LMO7: variants seen among roughly 807,000 people sequenced by gnomAD.
LMO7 encodes the protein LIM domain only protein 7.
Under a neutral mutation model 206.5 loss-of-function variants are expected in LMO7, and 120 were observed. The ratio of observed to expected loss-of-function variants is 0.58; its 90% confidence interval spans 0.50 to 0.68. The LOEUF is 0.68. Ranked by LOEUF, LMO7 falls within the 30% of genes least tolerant of loss-of-function variation. The pLI, the probability that LMO7 is intolerant of heterozygous loss-of-function variation, is 0.00. For missense variants in LMO7, 1,959 were observed against 1,957.9 expected (o/e 1.00, Z -0.01); for synonymous variants, 706 against 681.5 (o/e 1.04, Z -0.56).
intron 3 of LMO7, among the ~76,000 whole-genome samples, chr13:75,733,864 A>G (rs546201613): frequency 6.6e-6 from 1 of 152,140 alleles, no homozygotes; most frequent in South Asian, 2.1e-4. Context: ...TTCTTCCACA[A>G]ATTGCATTTG....
At chr13:75,797,124 G>A (rs538653119) in intron 6 of LMO7, among the ~76,000 whole-genome samples, 229 of 152,222 alleles carry the variant, frequency 1.5e-3, no homozygotes, top group African/African-American at 5.3e-3. Context: ...GACTGTTCAC[G>A]CGCATGGAAT....
chr13:75,644,387 A>G (rs553439624), intron 1 of LMO7, among the ~76,000 whole-genome samples: 1 of 152,294 alleles, frequency 6.6e-6, no homozygotes, highest in Non-Finnish European at 1.5e-5. Context: ...CATCTTAGTC[A>G]TTATACTCTG....
chr13:75,771,349 G>T (rs938348845), intron 4 of LMO7, among the ~76,000 whole-genome samples: 1 of 152,020 alleles, frequency 6.6e-6, no homozygotes, highest in African/African-American at 2.4e-5. Context: ...TTTGATAAGT[G>T]TATGTAGATG....
chr13:75,810,845 G>C (rs576100071), intron 11 of LMO7, among the ~76,000 whole-genome samples: 3 of 152,304 alleles, frequency 2.0e-5, no homozygotes, highest in Admixed American at 6.5e-5. Flanking sequence ...TAGAGAAGAA[G>C]ACAGAAACCT....
intron 30 of LMO7, chr13:75,857,227 T>A (rs1313129305): frequency 2.6e-5 from 4 of 152,332 alleles, no homozygotes; most frequent in African/African-American, 4.8e-5. Context: ...TTATAAAAGG[T>A]AGGCTAGCAT....
At chr13:75,720,750 C>T (rs745883632) in intron 2 of LMO7, among the ~76,000 whole-genome samples, 70 of 152,156 alleles carry the variant, frequency 4.6e-4, no homozygotes, top group Non-Finnish European at 9.3e-4. Context: ...TTGGTACTGA[C>T]GTTGCTGTTG....
At chr13:75,723,278 A>T (rs1422345485) in intron 2 of LMO7, among the ~76,000 whole-genome samples, 1 of 152,216 alleles carries the variant, frequency 6.6e-6, no homozygotes, top group Non-Finnish European at 1.5e-5. Flanking sequence ...TTTAGTTACT[A>T]ATAGAAGTTT....
chr13:75,622,962 A>G (rs964115022), intron 1 of LMO7, among the ~76,000 whole-genome samples: 4 of 152,342 alleles, frequency 2.6e-5, no homozygotes, highest in South Asian at 4.1e-4. Context: ...CTAAAATGAA[A>G]GACTAATTTG....
At chr13:75,768,615 C>G (rs2031241) in intron 4 of LMO7, among the ~76,000 whole-genome samples, 59,436 of 151,872 alleles carry the variant, frequency 0.39, 12,184 homozygotes, top group East Asian at 0.6. Context: ...CAAATCTAAC[C>G]CAAAGCTTCA....
chr13:75,717,059 C>G (rs1470527787), intron 2 of LMO7, among the ~76,000 whole-genome samples: 1 of 151,844 alleles, frequency 6.6e-6, no homozygotes, highest in East Asian at 1.9e-4. Context: ...GAACACATGA[C>G]TCACAGTAAG....
chr13:75,817,570 T>C (rs2057163919), intron 12 of LMO7, among the ~76,000 whole-genome samples: 3 of 152,318 alleles, frequency 2.0e-5, no homozygotes, highest in African/African-American at 7.2e-5. Flanking sequence ...TTACTTGTTT[T>C]GGTGGTTGAA....
At chr13:75,826,020 C>G (rs1329576448) in intron 15 of LMO7, among the ~76,000 whole-genome samples, 1 of 151,872 alleles carries the variant, frequency 6.6e-6, no homozygotes, top group East Asian at 1.9e-4. Flanking sequence ...TTTTCTTTTT[C>G]TTTCTTTTTT....
chr13:75,659,332 A>G (rs1662548272), intron 1 of LMO7, among the ~76,000 whole-genome samples: 1 of 152,212 alleles, frequency 6.6e-6, no homozygotes. Context: ...ATGTGGTGAA[A>G]TACAGTGGCA....
At chr13:75,730,022 C>T (rs983299219) in intron 3 of LMO7, among the ~76,000 whole-genome samples, 13 of 151,486 alleles carry the variant, frequency 8.6e-5, no homozygotes, top group African/African-American at 1.7e-4. Context: ...CTGCTGGATT[C>T]GGTTTGCCAG....
chr13:75,855,831 A>G (rs991728243), intron 29 of LMO7, among the ~76,000 whole-genome samples: 2 of 152,240 alleles, frequency 1.3e-5, no homozygotes, highest in Non-Finnish European at 2.9e-5. Flanking sequence ...GTTTTCACAC[A>G]TAAGAAGGAA....
chr13:75,817,135 A>G, intron 11 of LMO7, 26 bp from the exon 12 acceptor site: 2 of 1,536,658 alleles, frequency 1.3e-6, no homozygotes, highest in Non-Finnish European at 1.8e-6. Flanking sequence ...GAACTTCCGT[A>G]GTAACCATGA....
intron 1 of LMO7, among the ~76,000 whole-genome samples, chr13:75,706,502 C>T (rs1470112238): frequency 6.6e-6 from 1 of 151,970 alleles, no homozygotes; most frequent in Non-Finnish European, 1.5e-5. Context: ...TGTGAAAATG[C>T]CCACAGAACT....
At position 75,636,342 on chromosome 13, in the gene LMO7, G is replaced by C. The variant is rs899735754; in HGVS notation, c.-316G>C. On this transcript the variant is annotated 5_prime_UTR_variant, in exon 1 of 31. Transcript: ENST00000377534. ...ACTTTTGAAGTCCAAACTGTCGTCG[G>C]GGCTGGTGCCGCGCGCTGCCGCTGG... 1 of 1,209,648 alleles carries C rather than the reference G, an allele frequency of 8.3e-7. No homozygotes were observed. Among genetic ancestry groups the C allele is most frequent in the African/African-American group, 1.6e-5 (1 of 61,006 alleles). 74.9% of individuals were successfully genotyped at this position (1,209,648 alleles called of 1,614,324 possible).
At chr13:75,752,276 GC>G (rs1342951959) in intron 3 of LMO7, among the ~76,000 whole-genome samples, 69 of 151,206 alleles carry the variant, frequency 4.6e-4, no homozygotes, top group African/African-American at 1.6e-3. Flanking sequence ...AATTACAGGC[GC>G]CCGCCACTAT....
Sources: gnomAD v4.1 joint callset for allele counts (sites outside exome capture counted in the v4.1 genomes callset) on GRCh38, gnomAD v4.1.1 for gene constraint, MANE v1.5 for transcripts, NCBI Gene and HGNC (gene_info 2026-07-23, HGNC 2026-07-21) for gene names.